EN1: variants seen among roughly 807,000 people sequenced by gnomAD.
EN1 encodes the protein engrailed homeobox 1, also known as homeobox protein engrailed-1.
In EN1, 8 loss-of-function variants were observed where a neutral mutation model predicts 22.9. That is an observed-to-expected ratio of 0.35 (90% CI 0.20 to 0.63). The LOEUF (loss-of-function observed/expected upper bound fraction) is 0.63. Ranked by LOEUF, EN1 falls within the 20% of genes least tolerant of loss-of-function variation. The pLI, the probability that EN1 is intolerant of heterozygous loss-of-function variation, is 0.73. For synonymous variants in EN1, 287 were observed against 262.5 expected, an observed-to-expected ratio of 1.09 and a Z score of -0.90; for missense variants, 521 against 572.1, an observed-to-expected ratio of 0.91 and a Z score of 0.91.
chr2:118,842,902 G>T lies in EN1; in HGVS notation c.*36C>A. The T allele has an allele frequency of 6.3e-7, 1 of 1,579,240 alleles. No homozygotes were observed. The highest frequency in any genetic ancestry group is 8.6e-7 in the Non-Finnish European group (1 of 1,159,068). On this transcript the variant is annotated 3_prime_UTR_variant, in exon 2 of 2. Coordinates refer to ENST00000295206, the MANE Select transcript of EN1 (RefSeq NM_001426.4). ...GCCGGGAGACGACGGCGGCGGTGCC[G>T]GGAGGGGGCGCGGGCGCGGCCCCGG...
rs1447566232 is a variant in EN1 at position 118,846,538 on chromosome 2, C to T, written c.630G>A (p.Ala210=). 5.0e-6 allele frequency: 6 copies of T among 1,192,246 alleles called. No individual in the cohort carries two copies. Among genetic ancestry groups the T allele is most frequent in the Non-Finnish European group, 6.2e-6 (6 of 964,150 alleles). 73.9% of individuals were successfully genotyped at this position (1,192,246 alleles called of 1,614,324 possible). Reference sequence around the variant, plus strand: ...TGGCTGCTGCGGCCGCCGCCGCCGCCGCCACTGCCGCCGCGGCCGCCGCCG... The same window carrying T: ...TGGCTGCTGCGGCCGCCGCCGCCGCTGCCACTGCCGCCGCGGCCGCCGCCG... ...AAAAAAAAAV[A]AAAAAAAAKP... is the part of the protein sequence containing the mutation. Residue 210 remains alanine, a synonymous_variant, in exon 1 of 2, where the codon GCG becomes GCA. Transcript: ENST00000295206. This position sits in a 1 kb window ranked among gnomAD's most constrained non-coding sequence, Gnocchi z 5.0.
chr2:118,842,798 G>A lies in EN1; in HGVS notation c.*140C>T, dbSNP rs1558800206. ...GTTTCAACGTCATTGTCCATTCTGA[G>A]GCTCTCTTTCTGTCTCTCTCGCTCT... On this transcript the variant is annotated 3_prime_UTR_variant, in exon 2 of 2. Coordinates refer to ENST00000295206, the MANE Select transcript of EN1 (RefSeq NM_001426.4). 34 of 1,354,190 alleles carry A rather than the reference G, an allele frequency of 2.5e-5. No individual in the cohort carries two copies. The South Asian group carries it at 4.5e-4, about 18-fold the overall frequency. The allele number at this position is 1,354,190 out of a possible 1,614,324, so 83.9% of individuals were successfully genotyped here. A position where few individuals can be genotyped will look rare whatever the true frequency, so the allele number is the denominator to read the frequency against.
chr2:118,845,200 G>A (rs1387088971), intron 1 of EN1, among the ~76,000 whole-genome samples: 1 of 152,224 alleles, frequency 6.6e-6, no homozygotes, highest in Non-Finnish European at 1.5e-5. Context: ...GCATCGATCC[G>A]CGCCCGGCCG....
At chr2:118,845,256 G>A (rs1484384533) in intron 1 of EN1, among the ~76,000 whole-genome samples, 2 of 152,220 alleles carry the variant, frequency 1.3e-5, no homozygotes, top group African/African-American at 2.4e-5. Flanking sequence ...AGCGGCGCGT[G>A]GCTACGTTGT....
In EN1 at chr2:118,846,580, C is replaced by T; in HGVS notation, c.588G>A (p.Gly196=). Reference sequence around the variant, plus strand: ...CCGCCGCCGCCGCCGCAGCCGGGTTCCCAGCTTTAGACGCGCCCGCGCCGG... The same window carrying T: ...CCGCCGCCGCCGCCGCAGCCGGGTTTCCAGCTTTAGACGCGCCCGCGCCGG... ...AAAGAGASKA[G]NPAAAAAAAA... is the part of the protein sequence containing the mutation. The change falls in exon 1 of 2, where the codon GGG becomes GGA. Residue 196 remains glycine, a synonymous_variant. Coordinates refer to ENST00000295206, the MANE Select transcript of EN1 (RefSeq NM_001426.4). This position sits in a 1 kb window ranked among gnomAD's most constrained non-coding sequence, Gnocchi z 5.0. 1.6e-6 allele frequency: 2 copies of T among 1,255,716 alleles called. No homozygotes were observed. Among genetic ancestry groups the T allele is most frequent in the Non-Finnish European group, 2.0e-6 (2 of 1,004,292 alleles). The allele number at this position is 1,255,716 out of a possible 1,614,324, so 77.8% of individuals were successfully genotyped here.
In EN1 at chr2:118,847,175, C is replaced by G; in HGVS notation, c.-8G>C. The G allele has an allele frequency of 4.7e-6, 4 of 844,722 alleles. No individual in the cohort carries two copies. The highest frequency in any genetic ancestry group is 6.6e-6 in the Non-Finnish European group (4 of 601,752). The allele number at this position is 844,722 out of a possible 1,614,324, so 52.3% of individuals were successfully genotyped here. Reference sequence around the variant, plus strand: ...CGGCTGCTGTTCTTCCATGCTCGGCCGCCCCGCCGCCCCGGCCGCCGCGCC... The same window carrying G: ...CGGCTGCTGTTCTTCCATGCTCGGCGGCCCCGCCGCCCCGGCCGCCGCGCC... On this transcript the variant is annotated 5_prime_UTR_variant, in exon 1 of 2. Coordinates refer to ENST00000295206, the MANE Select transcript of EN1 (RefSeq NM_001426.4).
In EN1 at chr2:118,846,925, CG is replaced by C; in HGVS notation, c.242del (p.Pro81ArgfsTer31). ...HPHLPPHPPP[P>X]PPQHLAAPAH... is the part of the protein sequence containing the mutation. Reference sequence around the variant, plus strand: ...CAGGCGCCGCGAGATGCTGAGGCGGCGGGGGCGGGGGGTGTGGGGGGAGGTG... The same window carrying C: ...CAGGCGCCGCGAGATGCTGAGGCGGCGGGGCGGGGGGTGTGGGGGGAGGTG... On this transcript the variant is annotated frameshift_variant, in exon 1 of 2. Transcript: ENST00000295206. LOFTEE classifies it high-confidence loss of function. This position sits in a 1 kb window ranked among gnomAD's most constrained non-coding sequence, Gnocchi z 5.0. 1 of 242,716 alleles carries C rather than the reference CG, an allele frequency of 4.1e-6. No individual in the cohort carries two copies. Among genetic ancestry groups the C allele is most frequent in the Non-Finnish European group, 7.4e-6 (1 of 135,280 alleles). 15.0% of individuals were successfully genotyped at this position (242,716 alleles called of 1,614,324 possible).
Position 118,842,871 on chromosome 2 carries a change from C to T in EN1, c.*67G>A. On this transcript the variant is annotated 3_prime_UTR_variant, in exon 2 of 2. Coordinates refer to ENST00000295206, the MANE Select transcript of EN1 (RefSeq NM_001426.4). ...TTGGAGCAGATGCTTTCTCCCCCAG[C>T]GAGGGGCCGGGAGACGACGGCGGCG... The T allele has an allele frequency of 2.0e-6, 3 of 1,530,808 alleles. No individual in the cohort carries two copies. Among genetic ancestry groups the T allele is most frequent in the South Asian group, 1.3e-5 (1 of 79,348 alleles). 94.8% of individuals were successfully genotyped at this position (1,530,808 alleles called of 1,614,324 possible).
In EN1 at chr2:118,847,498, AAAAAAG is replaced by A. The variant is rs1232803915; in HGVS notation, c.-337_-332del. 20 of 224,326 alleles carry A rather than the reference AAAAAAG, an allele frequency of 8.9e-5. No homozygotes were observed. The highest frequency in any genetic ancestry group is 4.3e-4 in the African/African-American group (19 of 43,900). The allele number at this position is 224,326 out of a possible 1,614,324, so 13.9% of individuals were successfully genotyped here. On this transcript the variant is annotated 5_prime_UTR_variant, in exon 1 of 2. Transcript: ENST00000295206. ...AAGCCACGGCCAAAAAAATGAAGGA[AAAAAAG>A]AAAAAGAAAAGGAAAAAGAAAGCAA...
At position 118,847,098 on chromosome 2, in the gene EN1, G is replaced by A; in HGVS notation, c.70C>T (p.Pro24Ser). Residue 24 changes from proline (P) to serine (S), a missense_variant, in exon 1 of 2, where the codon CCG (proline) becomes TCG (serine). Coordinates refer to ENST00000295206, the MANE Select transcript of EN1 (RefSeq NM_001426.4). ...SALGAAAAAT[P>S]GGLSLSLSPG... ...CTGAGGCTCAGGCTGAGGCCGCCCG[G>A]AGTCGCCGCCGCCGCCGCGCCGAGG... is the stretch of plus-strand genomic sequence containing the variant. 7.1e-7 allele frequency: 1 copy of A among 1,404,726 alleles called. No individual in the cohort carries two copies. The highest frequency in any genetic ancestry group is 9.3e-7 in the Non-Finnish European group (1 of 1,074,108). The allele number at this position is 1,404,726 out of a possible 1,614,324, so 87.0% of individuals were successfully genotyped here.
Position 118,843,044 on chromosome 2 carries a change from A to C in EN1, c.1073T>G (p.Ile358Ser), listed in dbSNP as rs1328802023. ...GTTCTTGATGCCTGTGGCTTTCTTGATCTTGGCGCGCTTGTTCTGGAACCA... is the reference window on the plus strand; with the variant it reads ...GTTCTTGATGCCTGTGGCTTTCTTGCTCTTGGCGCGCTTGTTCTGGAACCA... ...KIWFQNKRAK[I>S]KKATGIKNGL... The change falls in exon 2 of 2, where the codon ATC (isoleucine) becomes AGC (serine). Residue 358 changes from isoleucine (I) to serine (S), a missense_variant. Ile to Ser is a moderately radical substitution (Grantham distance 142). Around this residue, in one of 3 missense-constraint regions of EN1, gnomAD observed 50 missense variants for 121.8 expected, o/e 0.41. Coordinates refer to ENST00000295206, the MANE Select transcript of EN1 (RefSeq NM_001426.4). The C allele has an allele frequency of 6.2e-7, 1 of 1,613,886 alleles. No individual in the cohort carries two copies. The highest frequency in any genetic ancestry group is 8.5e-7 in the Non-Finnish European group (1 of 1,179,974).
chr2:118,843,361 C>G, intron 1 of EN1, 107 bp from the exon 2 acceptor site: 1 of 970,882 alleles, frequency 1.0e-6, no homozygotes, highest in Non-Finnish European at 1.5e-6. Flanking sequence ...CGAGCTGGGC[C>G]GCGAGCCCCG....
Position 118,846,998 on chromosome 2 carries a change from G to A in EN1, c.170C>T (p.Pro57Leu), listed in dbSNP as rs1234320417. ...SVPVSPQPAP[P>L]SPPAAPCLPP... ...CAGGCAAGGCGCCGCGGGCGGCGAG[G>A]GGGGCGCAGGCTGCGGGGACACCGG... Residue 57 changes from proline to leucine, a missense_variant, in exon 1 of 2, where the codon CCC (proline) becomes CTC (leucine). Pro to Leu is a moderately conservative substitution (Grantham distance 98). Coordinates refer to ENST00000295206, the MANE Select transcript of EN1 (RefSeq NM_001426.4). This position sits in a 1 kb window ranked among gnomAD's most constrained non-coding sequence, Gnocchi z 5.0. 1.1e-5 allele frequency: 15 copies of A among 1,361,746 alleles called. No homozygotes were observed. The highest frequency in any genetic ancestry group is 3.9e-5 in the Admixed American group (1 of 25,668). 84.4% of individuals were successfully genotyped at this position (1,361,746 alleles called of 1,614,324 possible).
chr2:118,845,914 G>A (rs1460633866), intron 1 of EN1, among the ~76,000 whole-genome samples: 1 of 152,338 alleles, frequency 6.6e-6, no homozygotes, highest in East Asian at 1.9e-4. Flanking sequence ...GCCTTCGGAC[G>A]ATCAGGCTGG....
At position 118,842,932 on chromosome 2, in the gene EN1, T is replaced by G. The variant is rs1433927854; in HGVS notation, c.*6A>C. The stretch of plus-strand genomic sequence containing the variant: ...GGGGCGCGGGCGCGGCCCCGGCCTG[T>G]GGCGGCTACTCGCTCTCGTCTTTGT... On this transcript the variant is annotated 3_prime_UTR_variant, in exon 2 of 2. Transcript: ENST00000295206. 1.9e-6 allele frequency: 3 copies of G among 1,598,550 alleles called. No homozygotes were observed. The South Asian group carries it at 3.3e-5, about 18-fold the overall frequency.
rs751378198 is a variant in EN1 at position 118,843,051 on chromosome 2, C to A, written c.1066G>T (p.Ala356Ser). The A allele has an allele frequency of 4.3e-6, 7 of 1,614,116 alleles. No homozygotes were observed. Among genetic ancestry groups the A allele is most frequent in the African/African-American group, 2.7e-5 (2 of 75,034 alleles). The change falls in exon 2 of 2, where the codon GCC becomes TCC. Residue 356 changes from alanine (A) to serine (S), a missense_variant. By Grantham distance (99) the Ala-to-Ser change is moderately conservative. Around this residue, in one of 3 missense-constraint regions of EN1, gnomAD observed 50 missense variants for 121.8 expected, o/e 0.41. Coordinates refer to ENST00000295206, the MANE Select transcript of EN1 (RefSeq NM_001426.4). ...ATGCCTGTGGCTTTCTTGATCTTGGCGCGCTTGTTCTGGAACCAGATCTTG... is the reference window on the plus strand; with the variant it reads ...ATGCCTGTGGCTTTCTTGATCTTGGAGCGCTTGTTCTGGAACCAGATCTTG... ...QIKIWFQNKR[A>S]KIKKATGIKN...
rs1678219393 is a variant in EN1 at position 118,843,253 on chromosome 2, A to G, written c.864T>C (p.Gly288=). Residue 288 remains glycine, a splice_region_variant and synonymous_variant, in exon 2 of 2, where the codon GGT becomes GGC. Transcript: ENST00000295206. ...TCTTCTTCAGCTTCCTGGTGCGCGG[A>G]CCTGCAGCGGCGGAGAGGGCCGGGG... ...CTRYSDRPSS[G]PRTRKLKKKK... is the part of the protein sequence containing the mutation. The G allele has an allele frequency of 4.7e-6, 4 of 848,616 alleles. No individual in the cohort carries two copies. In the African/African-American group the frequency reaches 6.0e-5, roughly 13 times the overall value. The allele number at this position is 848,616 out of a possible 1,614,324, so 52.6% of individuals were successfully genotyped here.
In EN1 at chr2:118,846,315, G is replaced by C; in HGVS notation, c.853C>G (p.Pro285Ala). ...WVYCTRYSDR[P>A]SSGPRTRKLK... ...GGAGTTGGGTACTCACCGGAGGATG[G>C]ACGATCCGAATAACGTGTGCAGTAC... Residue 285 changes from proline (P) to alanine (A), a missense_variant, in exon 1 of 2, where the codon CCA (proline) becomes GCA (alanine). Physicochemically the swap from Pro to Ala is conservative, Grantham distance 27. This residue lies in a region of EN1 where 50 missense variants were observed against 121.8 expected (regional missense o/e 0.41). Transcript: ENST00000295206. This position sits in a 1 kb window ranked among gnomAD's most constrained non-coding sequence, Gnocchi z 5.0. 6.2e-7 allele frequency: 1 copy of C among 1,611,958 alleles called. No individual in the cohort carries two copies. Among genetic ancestry groups the C allele is most frequent in the Non-Finnish European group, 8.5e-7 (1 of 1,179,242 alleles).
At position 118,845,470 on chromosome 2, in the gene EN1, C is replaced by T. The variant is rs150001214; in HGVS notation, c.862+836G>A. Among the ~76,000 whole-genome samples the T allele has an allele frequency of 2.2e-3, 333 of 152,322 alleles. 1 individual carries two copies. Among genetic ancestry groups the T allele is most frequent in the African/African-American group, 7.4e-3 (306 of 41,570 alleles). On this transcript the variant is annotated intron_variant, in intron 1 of 1. Transcript: ENST00000295206. ...AGGAAAGCCGAGAAAAACAGGCCTA[C>T]GGATGCCAGAAGTCTGCTGGATGTG...
Sources: gnomAD v4.1 joint callset for allele counts (sites outside exome capture counted in the v4.1 genomes callset) on GRCh38, gnomAD v4.1.1 for gene constraint, gnomAD v4.1.1 regional missense constraint, Gnocchi (gnomAD v3.1) non-coding constraint, MANE v1.5 for transcripts, NCBI Gene and HGNC (gene_info 2026-07-23, HGNC 2026-07-21) for gene names.